SGCD: variants seen among roughly 807,000 people sequenced by gnomAD.
SGCD encodes the protein delta-sarcoglycan.
SGCD carries 18 observed loss-of-function variants against 36.6 expected under a neutral mutation model. The observed-to-expected ratio is 0.49, with a 90% CI of 0.34 to 0.73. The LOEUF (loss-of-function observed/expected upper bound fraction) is 0.73, where lower values mean the gene tolerates loss of function less well. Among genes scored for constraint, SGCD ranks in the 30% least tolerant of loss-of-function variants. SGCD has a pLI of 0.01. For synonymous variants in SGCD, 133 were observed against 130.6 expected, an observed-to-expected ratio of 1.02 and a Z score of -0.12; for missense variants, 387 against 346.7, an observed-to-expected ratio of 1.12 and a Z score of -0.92.
chr5:156,199,431 C>T (rs1764091604), intron 3 of SGCD, among the ~76,000 whole-genome samples: 1 of 152,100 alleles, frequency 6.6e-6, no homozygotes, highest in Admixed American at 6.6e-5. Context: ...TTACATAGTG[C>T]CCTACACATA....
In SGCD at chr5:156,565,540, T is replaced by A. The variant is rs1390137783; in HGVS notation, c.295-23691T>A. Reference sequence around the variant, plus strand: ...TCATATTTTATTTTAAAATAAAATTTGCATAAATTCAGTTTTTTTATTATA... The same window carrying A: ...TCATATTTTATTTTAAAATAAAATTAGCATAAATTCAGTTTTTTTATTATA... On this transcript the variant is annotated intron_variant, in intron 4 of 8. Transcript: ENST00000337851. Among the ~76,000 whole-genome samples, 7 of 152,322 alleles carry A rather than the reference T, an allele frequency of 4.6e-5. No homozygotes were observed. In the East Asian group the frequency reaches 1.2e-3, roughly 25 times the overall value.
At chr5:156,444,163 T>TCTCTCTCTCTCCTTCC (rs371086401) in intron 3 of SGCD, among the ~76,000 whole-genome samples, 1 of 138,752 alleles carries the variant, frequency 7.2e-6, no homozygotes, top group Admixed American at 7.2e-5. Context: ...TCTCCTTCCC[T>TCTCTCTCTCTCCTTCC]CTCTCTCTCT....
At chr5:156,357,919 A>G (rs1350090578) in intron 3 of SGCD, among the ~76,000 whole-genome samples, 1 of 152,196 alleles carries the variant, frequency 6.6e-6, no homozygotes, top group African/African-American at 2.4e-5. Flanking sequence ...GGATAACAGA[A>G]CTCGGCAACA....
chr5:155,996,666 C>T (rs905541445), intron 1 of SGCD, among the ~76,000 whole-genome samples: 3 of 150,962 alleles, frequency 2.0e-5, no homozygotes, highest in African/African-American at 7.3e-5. Flanking sequence ...GTGATCTCAG[C>T]TACTTGGGAG....
In SGCD at chr5:156,301,022, T is replaced by C. The variant is rs894955643; in HGVS notation, c.-43-28512T>C. Among the ~76,000 whole-genome samples the C allele has an allele frequency of 5.3e-5, 8 of 152,154 alleles. No individual in the cohort carries two copies. In the South Asian group the frequency reaches 1.7e-3, roughly 32 times the overall value. On this transcript the variant is annotated intron_variant, in intron 3 of 9. Coordinates refer to the SGCD transcript ENST00000517913. ...CTTTATAAGTGGAGTGTGTTTCTTG[T>C]AGGCAACATAAATCTATTTAGCCAG...
At chr5:156,576,682 T>TA (rs1759972664) in intron 4 of SGCD, among the ~76,000 whole-genome samples, 1 of 152,260 alleles carries the variant, frequency 6.6e-6, no homozygotes, top group Non-Finnish European at 1.5e-5. Flanking sequence ...CCAGTGATGA[T>TA]AAGCATTTTT....
intron 1 of SGCD, among the ~76,000 whole-genome samples, chr5:155,943,611 A>C (rs969572612): frequency 6.6e-6 from 1 of 152,192 alleles, no homozygotes; most frequent in Admixed American, 6.5e-5. Context: ...CTGATTTTTC[A>C]TAGTTGGTAT....
the SGCD span, among the ~76,000 whole-genome samples, chr5:155,793,079 AG>A: frequency 6.6e-6 from 1 of 152,228 alleles, no homozygotes; most frequent in Non-Finnish European, 1.5e-5. Context: ...GCCATGAAAA[AG>A]AAATGAAATC....
At chr5:156,745,794 T>A (rs530411202) in intron 7 of SGCD, among the ~76,000 whole-genome samples, 1 of 151,496 alleles carries the variant, frequency 6.6e-6, no homozygotes, top group Non-Finnish European at 1.5e-5. Flanking sequence ...AAAAGCAAAA[T>A]TCCAATGAAT....
chr5:155,897,675 T>G (rs767710581), intron 1 of SGCD, among the ~76,000 whole-genome samples: 8 of 152,110 alleles, frequency 5.3e-5, no homozygotes, highest in Non-Finnish European at 1.2e-4. Context: ...TTTTTAATTT[T>G]TTTTTTACTT....
rs544070216 is a variant in SGCD, at chr5:156,440,021, G to A, written c.193-68580G>A. Among the ~76,000 whole-genome samples, 14 of 152,152 alleles carry A rather than the reference G, an allele frequency of 9.2e-5. No homozygotes were observed. In the South Asian group the frequency reaches 2.5e-3, roughly 27 times the overall value. ...TAAAAATAACCACTTTAAAGTGAAC[G>A]ATTCAGTGGCATTTGGTATATTCAA... On this transcript the variant is annotated intron_variant, in intron 3 of 8. Transcript: ENST00000337851.
At chr5:156,079,377 G>A (rs1760886969) in intron 1 of SGCD, among the ~76,000 whole-genome samples, 1 of 152,110 alleles carries the variant, frequency 6.6e-6, no homozygotes, top group South Asian at 2.1e-4. Context: ...CAAAGCTTAT[G>A]TCCTTTTCAT....
chr5:155,759,836 T>A, the SGCD span, among the ~76,000 whole-genome samples: 1 of 152,206 alleles, frequency 6.6e-6, no homozygotes, highest in Non-Finnish European at 1.5e-5. Flanking sequence ...TATCACATAC[T>A]TCTCAGCTAT....
chr5:156,654,348 C>T (rs1763591188), intron 7 of SGCD, among the ~76,000 whole-genome samples: 2 of 152,092 alleles, frequency 1.3e-5, no homozygotes, highest in Admixed American at 6.6e-5. Context: ...CCAAATGATT[C>T]TCTTTGGAAT....
chr5:156,257,874 A>G (rs1047528696), intron 3 of SGCD, among the ~76,000 whole-genome samples: 7 of 152,142 alleles, frequency 4.6e-5, no homozygotes, highest in African/African-American at 1.7e-4. Flanking sequence ...AAACAAACAG[A>G]CAAACAAACA....
chr5:156,531,329 A>G lies in SGCD; in HGVS notation c.294+22627A>G, dbSNP rs138790297. Among the ~76,000 whole-genome samples the G allele has an allele frequency of 4.1e-3, 630 of 152,330 alleles. 1 individual carries two copies. Among genetic ancestry groups the G allele is most frequent in the South Asian group, 0.018 (85 of 4,828 alleles). On this transcript the variant is annotated intron_variant, in intron 4 of 8. Coordinates refer to ENST00000337851, the MANE Select transcript of SGCD (RefSeq NM_000337.6). ...AAGAAAGTTAATTTCTATTGTCTGT[A>G]AATTACCCAGGCTGGGGTTCTTTTG...
At chr5:156,707,226 T>C (rs1159787872) in intron 7 of SGCD, among the ~76,000 whole-genome samples, 1 of 152,208 alleles carries the variant, frequency 6.6e-6, no homozygotes, top group African/African-American at 2.4e-5. Flanking sequence ...CATCTATTCC[T>C]GTCTGTATAC....
At chr5:155,813,913 G>A in the SGCD span, among the ~76,000 whole-genome samples, 3 of 152,172 alleles carry the variant, frequency 2.0e-5, no homozygotes, top group Non-Finnish European at 4.4e-5. Flanking sequence ...TTATTTTGAT[G>A]GAGAGATGAA....
At chr5:155,727,859 C>T in the SGCD span, among the ~76,000 whole-genome samples, 1 of 152,336 alleles carries the variant, frequency 6.6e-6, no homozygotes, top group African/African-American at 2.4e-5. Context: ...GGAATCCGCA[C>T]ACTCCTTCTC....
Sources: gnomAD v4.1 joint callset for allele counts (sites outside exome capture counted in the v4.1 genomes callset) on GRCh38, gnomAD v4.1.1 for gene constraint, MANE v1.5 for transcripts, NCBI Gene and HGNC (gene_info 2026-07-23, HGNC 2026-07-21) for gene names.